The following GUCY1A2 variants were observed in gnomAD, a reference collection of about 807,000 sequenced individuals.
GUCY1A2 encodes the protein guanylate cyclase 1 soluble subunit alpha 2.
GUCY1A2 carries 27 observed loss-of-function variants against 63.5 expected under a neutral mutation model. The ratio of observed to expected loss-of-function variants is 0.43; its 90% confidence interval spans 0.31 to 0.59. The LOEUF (loss-of-function observed/expected upper bound fraction) is 0.59, where lower values mean the gene tolerates loss of function less well. GUCY1A2 is among the 20% of genes least tolerant of loss of function. The probability of loss-of-function intolerance (pLI) is 0.11; values close to 1 mark genes in which losing one functional copy is unlikely to be tolerated. For synonymous variants in GUCY1A2, 364 were observed against 343.5 expected, an observed-to-expected ratio of 1.06 and a Z score of -0.66; for missense variants, 768 against 913.3, an observed-to-expected ratio of 0.84 and a Z score of 2.05.
At chr11:106,829,546 G>C (rs1477759554) in intron 4 of GUCY1A2, among the ~76,000 whole-genome samples, 2 of 152,138 alleles carry the variant, frequency 1.3e-5, no homozygotes, top group Non-Finnish European at 2.9e-5. Context: ...GGTTAATATT[G>C]AATGTCAACT....
rs1455118603 is a variant in GUCY1A2 at position 106,687,316 on chromosome 11, A to G, written c.*233T>C. On this transcript the variant is annotated 3_prime_UTR_variant, in exon 8 of 8. Transcript: ENST00000526355. Reference sequence around the variant, plus strand: ...GTAATTAAAATATATGTGTATATATATGACCAAAACCACTCATATGAATGG... The same window carrying G: ...GTAATTAAAATATATGTGTATATATGTGACCAAAACCACTCATATGAATGG... 1.9e-6 allele frequency: 1 copy of G among 529,804 alleles called. No homozygotes were observed. Among genetic ancestry groups the G allele is most frequent in the Non-Finnish European group, 3.4e-6 (1 of 294,638 alleles). 32.8% of individuals were successfully genotyped at this position (529,804 alleles called of 1,614,324 possible).
chr11:106,944,422 G>T (rs1002195374), intron 3 of GUCY1A2, among the ~76,000 whole-genome samples: 16 of 151,874 alleles, frequency 1.1e-4, no homozygotes, highest in Non-Finnish European at 2.4e-4. Flanking sequence ...ACTCCAGCCT[G>T]AGTGACAGAG....
At chr11:107,017,377 A>G (rs1236986447) in intron 1 of GUCY1A2, among the ~76,000 whole-genome samples, 1 of 152,142 alleles carries the variant, frequency 6.6e-6, no homozygotes, top group Non-Finnish European at 1.5e-5. Context: ...AAGACAGGGA[A>G]GCTGAACTGC....
Position 106,698,172 on chromosome 11 carries a change from T to C in GUCY1A2, c.1991+10340A>G, listed in dbSNP as rs562663928. ...TCTCACTCTGTTGCTGAAGCTGGAGTGCAGTGGTGTGATCACGGCTTATAG... is the reference window on the plus strand; with the variant it reads ...TCTCACTCTGTTGCTGAAGCTGGAGCGCAGTGGTGTGATCACGGCTTATAG... On this transcript the variant is annotated intron_variant, in intron 7 of 7. Transcript: ENST00000526355. 2.1e-3 allele frequency among the ~76,000 whole-genome samples: 299 copies of C among 143,094 alleles called. 1 individual carries two copies. Among genetic ancestry groups the C allele is most frequent in the African/African-American group, 7.8e-3 (292 of 37,312 alleles). 93.9% of individuals were successfully genotyped at this position (143,094 alleles called of 152,430 possible). A position where few individuals can be genotyped will look rare whatever the true frequency, so the allele number is the denominator to read the frequency against.
intron 6 of GUCY1A2, among the ~76,000 whole-genome samples, chr11:106,773,343 T>C (rs1167239006): frequency 1.8e-4 from 28 of 152,256 alleles, no homozygotes. Flanking sequence ...CATTCATCCA[T>C]GTTGATGTCA....
At chr11:106,981,328 G>T (rs1391386941) in intron 2 of GUCY1A2, among the ~76,000 whole-genome samples, 1 of 152,114 alleles carries the variant, frequency 6.6e-6, no homozygotes, top group East Asian at 1.9e-4. Flanking sequence ...AGAACAGAAG[G>T]TTGGCTGTAT....
chr11:106,888,293 C>T (rs939125490), intron 4 of GUCY1A2, among the ~76,000 whole-genome samples: 6 of 147,424 alleles, frequency 4.1e-5, no homozygotes. Context: ...CCCCTCTCTA[C>T]TAAAAATACA....
intron 4 of GUCY1A2, among the ~76,000 whole-genome samples, chr11:106,910,536 C>T (rs1468607859): frequency 3.3e-5 from 5 of 152,020 alleles, no homozygotes; most frequent in South Asian, 2.1e-4. Flanking sequence ...TATGGCTCCA[C>T]GACAATGTAC....
At chr11:107,010,442 C>G (rs1861727567) in intron 1 of GUCY1A2, among the ~76,000 whole-genome samples, 1 of 152,162 alleles carries the variant, frequency 6.6e-6, no homozygotes, top group Non-Finnish European at 1.5e-5. Flanking sequence ...TACCTAACTT[C>G]TTAAAATATT....
At chr11:107,016,860 G>C (rs1361074219) in intron 1 of GUCY1A2, among the ~76,000 whole-genome samples, 9 of 152,062 alleles carry the variant, frequency 5.9e-5, no homozygotes, top group Non-Finnish European at 1.0e-4. Flanking sequence ...CCATTGAGGA[G>C]AGAGTAAAGG....
chr11:106,965,115 G>C (rs1220394742), intron 3 of GUCY1A2, among the ~76,000 whole-genome samples: 1 of 151,970 alleles, frequency 6.6e-6, no homozygotes, highest in East Asian at 1.9e-4. Context: ...TCTTTTAATG[G>C]AAGATGTGTC....
intron 5 of GUCY1A2, among the ~76,000 whole-genome samples, chr11:106,802,472 G>C (rs1858623102): frequency 6.6e-6 from 1 of 152,120 alleles, no homozygotes. Context: ...CTAGCAATAT[G>C]GACTAATCTA....
chr11:106,737,630 T>C (rs1013650918), intron 6 of GUCY1A2, among the ~76,000 whole-genome samples: 4 of 152,292 alleles, frequency 2.6e-5, no homozygotes, highest in Middle Eastern at 3.4e-3. Flanking sequence ...CTCCCACTTA[T>C]GAGTGAGAAC....
chr11:106,943,099 A>G (rs1043119580), intron 3 of GUCY1A2, among the ~76,000 whole-genome samples: 13 of 152,236 alleles, frequency 8.5e-5, no homozygotes, highest in Non-Finnish European at 8.8e-5. Context: ...ATTTGAAAAT[A>G]TTAAAACTAA....
chr11:106,876,480 A>G (rs867472054), intron 4 of GUCY1A2, among the ~76,000 whole-genome samples: 3 of 152,122 alleles, frequency 2.0e-5, no homozygotes, highest in Non-Finnish European at 4.4e-5. Context: ...GTAAATAACT[A>G]TGCAAGGTAC....
At chr11:106,775,887 G>C (rs1364055972) in intron 6 of GUCY1A2, among the ~76,000 whole-genome samples, 1 of 152,132 alleles carries the variant, frequency 6.6e-6, no homozygotes, top group East Asian at 1.9e-4. Context: ...GTAGACCTCA[G>C]ATTGCAGAAG....
chr11:106,740,998 T>C (rs954510431), intron 6 of GUCY1A2, among the ~76,000 whole-genome samples: 8 of 152,164 alleles, frequency 5.3e-5, no homozygotes, highest in African/African-American at 1.9e-4. Context: ...ATAGTTAGTC[T>C]AGCTGCACAG....
chr11:106,969,818 C>T (rs113130028), intron 3 of GUCY1A2, among the ~76,000 whole-genome samples: 7 of 152,108 alleles, frequency 4.6e-5, no homozygotes, highest in African/African-American at 1.7e-4. Flanking sequence ...ACCATCACAG[C>T]CTCATAGTTC....
chr11:106,871,622 T>G (rs939484369), intron 4 of GUCY1A2, among the ~76,000 whole-genome samples: 1 of 152,162 alleles, frequency 6.6e-6, no homozygotes. Context: ...TGACCTCACC[T>G]TAAGGTCATT....
Sources: gnomAD v4.1 joint callset for allele counts (sites outside exome capture counted in the v4.1 genomes callset) on GRCh38, gnomAD v4.1.1 for gene constraint, MANE v1.5 for transcripts, NCBI Gene and HGNC (gene_info 2026-07-23, HGNC 2026-07-21) for gene names.